Variants in ABHD2 observed in about 807,000 individuals in gnomAD.
ABHD2 encodes the protein monoacylglycerol lipase ABHD2.
A neutral mutation model predicts 48.1 loss-of-function variants in ABHD2; 20 were observed. The observed-to-expected ratio is 0.42, with a 90% confidence interval of 0.29 to 0.60. The LOEUF (loss-of-function observed/expected upper bound fraction) is 0.60. ABHD2 is among the 20% of genes least tolerant of loss of function. The pLI, the probability that ABHD2 is intolerant of heterozygous loss-of-function variation, is 0.24. For missense variants in ABHD2, 405 were observed against 550.9 expected (o/e 0.74, Z 2.65); for synonymous variants, 209 against 214.2 (o/e 0.98, Z 0.21).
At position 89,104,738 on chromosome 15, in the gene ABHD2, GCCCTCCCACCCCCATCT is replaced by G. The variant is rs1443803478; in HGVS notation, c.-106-8984_-106-8968del. Among the ~76,000 whole-genome samples the G allele has an allele frequency of 3.9e-5, 6 of 152,156 alleles. No homozygotes were observed. The highest frequency in any genetic ancestry group is 8.8e-5 in the Non-Finnish European group (6 of 68,028). On this transcript the variant is annotated intron_variant, in intron 1 of 10. Coordinates refer to ENST00000352732, the MANE Select transcript of ABHD2 (RefSeq NM_152924.5). This position sits in a 1 kb window ranked among gnomAD's most constrained non-coding sequence, Gnocchi z 4.4. The stretch of plus-strand genomic sequence containing the variant: ...ACGGTTGTGCCAGGCACTGGGTCTT[GCCCTCCCACCCCCATCT>G]CCATTTCCTCCTTCTGGAAGCTTAT...
intron 1 of ABHD2, among the ~76,000 whole-genome samples, chr15:89,103,105 C>G (rs376706934): frequency 1.3e-5 from 2 of 152,152 alleles, no homozygotes; most frequent in East Asian, 1.9e-4. Context: ...GGCTTCCTTT[C>G]GAGTTTTTAG....
At chr15:89,163,069 G>A (rs1210477958) in intron 5 of ABHD2, among the ~76,000 whole-genome samples, 2 of 152,174 alleles carry the variant, frequency 1.3e-5, no homozygotes, top group South Asian at 4.1e-4. Flanking sequence ...CAGATGCCAG[G>A]CATTCAAGTC....
rs1393972917 is a variant in ABHD2, at chr15:89,170,932, ATGG to A, written c.539-4877_539-4875del. Among the ~76,000 whole-genome samples the A allele has an allele frequency of 9.9e-5, 15 of 152,168 alleles. No individual in the cohort carries two copies. In the East Asian group the frequency reaches 2.5e-3, roughly 25 times the overall value. ...GGAGTTCAAGACCAGCCTGGCCAAC[ATGG>A]TGAAGCCCCGCCTCTACTAAAAATA... On this transcript the variant is annotated intron_variant, in intron 5 of 10. Coordinates refer to ENST00000352732, the MANE Select transcript of ABHD2 (RefSeq NM_152924.5).
chr15:89,147,439 C>T (rs1230766022), intron 3 of ABHD2, among the ~76,000 whole-genome samples: 6 of 148,058 alleles, frequency 4.1e-5, no homozygotes, highest in East Asian at 4.0e-4. Context: ...CTGCAAGCTC[C>T]GCCTCCCAGG....
At chr15:89,127,409 G>A (rs2050145942) in intron 3 of ABHD2, among the ~76,000 whole-genome samples, 1 of 151,954 alleles carries the variant, frequency 6.6e-6, no homozygotes, top group African/African-American at 2.4e-5. Flanking sequence ...GGAGAGATTT[G>A]TGAGAAACAG....
At chr15:89,170,257 T>G (rs1195749556) in intron 5 of ABHD2, among the ~76,000 whole-genome samples, 1 of 151,510 alleles carries the variant, frequency 6.6e-6, no homozygotes, top group Non-Finnish European at 1.5e-5. Context: ...CACCACTGCC[T>G]GGATAATTTT....
Position 89,197,828 on chromosome 15 carries a change from G to A in ABHD2, c.*2405G>A, listed in dbSNP as rs1004946641. ...GACTGTGGGAGCCAGTGTCCCAGCTGAAATCTTTTTAGTGTGTGGCTCTGA... is the reference window on the plus strand; with the variant it reads ...GACTGTGGGAGCCAGTGTCCCAGCTAAAATCTTTTTAGTGTGTGGCTCTGA... On this transcript the variant is annotated 3_prime_UTR_variant, in exon 11 of 11. Transcript: ENST00000352732. The surrounding 1 kb of genome is among the most constrained non-coding windows in gnomAD (Gnocchi z 4.4). 3.3e-5 allele frequency: 5 copies of A among 152,212 alleles called. No homozygotes were observed. The South Asian group carries it at 8.3e-4, about 25-fold the overall frequency. The allele number at this position is 152,212 out of a possible 1,614,324, so 9.4% of individuals were successfully genotyped here. A position where few individuals can be genotyped will look rare whatever the true frequency, so the allele number is the denominator to read the frequency against.
intron 3 of ABHD2, among the ~76,000 whole-genome samples, chr15:89,128,712 G>A (rs777266465): frequency 6.6e-6 from 1 of 152,184 alleles, no homozygotes; most frequent in Non-Finnish European, 1.5e-5. Context: ...TTCGTGGCCA[G>A]CTCCTCACCA....
At chr15:89,172,315 A>G (rs549845590) in intron 5 of ABHD2, among the ~76,000 whole-genome samples, 47 of 152,242 alleles carry the variant, frequency 3.1e-4, no homozygotes, top group African/African-American at 8.9e-4. Context: ...CCACCATTCT[A>G]TTTTCCATCT....
In ABHD2 at chr15:89,116,102, G is replaced by A. The variant is rs986596832; in HGVS notation, c.-6-220G>A. Among the ~76,000 whole-genome samples, 4 of 152,196 alleles carry A rather than the reference G, an allele frequency of 2.6e-5. No individual in the cohort carries two copies. In the South Asian group the frequency reaches 8.3e-4, roughly 31 times the overall value. On this transcript the variant is annotated intron_variant, in intron 2 of 10. Transcript: ENST00000352732. The surrounding 1 kb of genome is among the most constrained non-coding windows in gnomAD (Gnocchi z 4.6). ...TTATAAAAAGAAAACACAGTACCCA[G>A]TTTATCCATGCTCAGACTGTTTGTG...
intron 5 of ABHD2, among the ~76,000 whole-genome samples, chr15:89,156,115 CTTTTTTTT>C (rs1185978751): frequency 1.5e-4 from 13 of 85,666 alleles, no homozygotes; most frequent in Non-Finnish European, 2.3e-4. Context: ...TTTTTATTGT[CTTTTTTTT>C]TTTTTTTTTT....
At chr15:89,058,816 C>G in the ABHD2 span, among the ~76,000 whole-genome samples, 3 of 152,278 alleles carry the variant, frequency 2.0e-5, no homozygotes, top group South Asian at 2.1e-4. Context: ...TCAACAATAT[C>G]TCAATAAAAA....
rs149898040 is a variant in ABHD2 at position 89,196,935 on chromosome 15, G to C, written c.*1512G>C. On this transcript the variant is annotated 3_prime_UTR_variant, in exon 11 of 11. Transcript: ENST00000352732. The stretch of plus-strand genomic sequence containing the variant: ...AGCTGTTGCTATCTGGAACTAAACA[G>C]AACTATGAGTAAAATTGCCTGGATA... The C allele has an allele frequency of 1.2e-4, 19 of 152,634 alleles. No individual in the cohort carries two copies. Among genetic ancestry groups the C allele is most frequent in the African/African-American group, 4.6e-4 (19 of 41,444 alleles). 9.5% of individuals were successfully genotyped at this position (152,634 alleles called of 1,614,324 possible).
At chr15:89,049,934 A>G in the ABHD2 span, among the ~76,000 whole-genome samples, 15 of 152,170 alleles carry the variant, frequency 9.9e-5, no homozygotes, top group South Asian at 2.1e-4. Context: ...TCTCTTTTCT[A>G]TTCCTCCAAA....
intron 6 of ABHD2, among the ~76,000 whole-genome samples, chr15:89,183,099 C>T (rs910175888): frequency 1.3e-5 from 2 of 152,100 alleles, no homozygotes; most frequent in African/African-American, 4.8e-5. Context: ...AACATAACCA[C>T]AAATACCATC....
Position 89,200,662 on chromosome 15 carries a change from CA to C in ABHD2, c.*5246del. 1.0e-5 allele frequency: 2 copies of C among 198,374 alleles called. No individual in the cohort carries two copies. The highest frequency in any genetic ancestry group is 4.9e-5 in the Admixed American group (1 of 20,316). 12.3% of individuals were successfully genotyped at this position (198,374 alleles called of 1,614,324 possible). On this transcript the variant is annotated 3_prime_UTR_variant, in exon 11 of 11. Transcript: ENST00000352732. Reference sequence around the variant, plus strand: ...AAGCCTGTATGACGCTGTACACACACAAAAAAATGGTCACCGCAGGCCATAC... The same window carrying C: ...AAGCCTGTATGACGCTGTACACACACAAAAAATGGTCACCGCAGGCCATAC...
At position 89,104,588 on chromosome 15, in the gene ABHD2, C is replaced by T. The variant is rs1288383637; in HGVS notation, c.-106-9137C>T. Among the ~76,000 whole-genome samples the T allele has an allele frequency of 1.3e-5, 2 of 152,172 alleles. No individual in the cohort carries two copies. The highest frequency in any genetic ancestry group is 1.3e-4 in the Admixed American group (2 of 15,278). On this transcript the variant is annotated intron_variant, in intron 1 of 10. Transcript: ENST00000352732. This position sits in a 1 kb window ranked among gnomAD's most constrained non-coding sequence, Gnocchi z 4.4. ...ACCAGAACGCTCAGGAACGGTGAGTCCCAGTTATTTTTATTTTCTCATTAA... is the reference window on the plus strand; with the variant it reads ...ACCAGAACGCTCAGGAACGGTGAGTTCCAGTTATTTTTATTTTCTCATTAA...
the ABHD2 span, chr15:89,070,180 A>G: frequency 0.21 from 31,867 of 152,194 alleles, 4,242 homozygotes; most frequent in African/African-American, 0.36. Flanking sequence ...GGCAGAAGAA[A>G]AAGAGACAAT....
rs78166158 is a variant in ABHD2, at chr15:89,091,236, G to A, written c.-107+2673G>A. Among the ~76,000 whole-genome samples the A allele has an allele frequency of 0.026, 3,913 of 152,082 alleles. 144 individuals are homozygous for A. The highest frequency in any genetic ancestry group is 0.088 in the African/African-American group (3,664 of 41,466). ...AAGATGCCTGCCACTTTCATTTTTT[G>A]CAGGAATCCAGTCACCTTTGATTTT... On this transcript the variant is annotated intron_variant, in intron 1 of 10. Coordinates refer to ENST00000352732, the MANE Select transcript of ABHD2 (RefSeq NM_152924.5). The surrounding 1 kb of genome is among the most constrained non-coding windows in gnomAD (Gnocchi z 5.5).
Sources: gnomAD v4.1 joint callset for allele counts (sites outside exome capture counted in the v4.1 genomes callset) on GRCh38, gnomAD v4.1.1 for gene constraint, Gnocchi (gnomAD v3.1) non-coding constraint, MANE v1.5 for transcripts, NCBI Gene and HGNC (gene_info 2026-07-23, HGNC 2026-07-21) for gene names.